Variants in MXI1 observed in about 807,000 individuals in gnomAD.
MXI1 encodes max-interacting protein 1.
A neutral mutation model predicts 36.9 loss-of-function variants in MXI1; 18 were observed. That is an observed-to-expected ratio of 0.49 (90% CI 0.34 to 0.72). The LOEUF (loss-of-function observed/expected upper bound fraction) is 0.72, where lower values mean the gene tolerates loss of function less well. Ranked by LOEUF, MXI1 falls within the 30% of genes least tolerant of loss-of-function variation. The probability of loss-of-function intolerance (pLI) is 0.01; values close to 1 mark genes in which losing one functional copy is unlikely to be tolerated. For synonymous variants in MXI1, 160 were observed against 146.7 expected (o/e 1.09, Z -0.65); for missense variants, 304 against 379.1 (o/e 0.80, Z 1.64).
At chr10:110,274,888 T>TTTTTTG (rs1856975763) in intron 3 of MXI1, among the ~76,000 whole-genome samples, 1 of 149,494 alleles carries the variant, frequency 6.7e-6, no homozygotes, top group Non-Finnish European at 1.5e-5. Context: ...TTTTTTTTTT[T>TTTTTTG]TTTTTTGGTG....
chr10:110,245,528 A>G, intron 3 of MXI1, among the ~76,000 whole-genome samples: 1 of 152,094 alleles, frequency 6.6e-6, no homozygotes, highest in Non-Finnish European at 1.5e-5. Flanking sequence ...TCTGCAGAGG[A>G]TGGTGAGTGA....
At chr10:110,254,180 A>T (rs1856200726) in intron 3 of MXI1, among the ~76,000 whole-genome samples, 1 of 152,024 alleles carries the variant, frequency 6.6e-6, no homozygotes, top group South Asian at 2.1e-4. Context: ...GCATATGTTC[A>T]CTTCATGTTT....
chr10:110,208,744 C>CG lies in MXI1; in HGVS notation c.274+662_274+663insG, dbSNP rs1220198209. ...TTGCCGTGGGGTGCCACCGCCGCCC[C>CG]CCCCCCCCCAAAGAAGGAGGCCGGC... is the stretch of plus-strand genomic sequence containing the variant. On this transcript the variant is annotated intron_variant, in intron 1 of 5. Coordinates refer to ENST00000332674, the MANE Select transcript of MXI1 (RefSeq NM_130439.3). 1.3e-5 allele frequency among the ~76,000 whole-genome samples: 2 copies of CG among 148,304 alleles called. 1 individual carries two copies. The highest frequency in any genetic ancestry group is 5.1e-5 in the African/African-American group (2 of 38,912).
intron 1 of MXI1, among the ~76,000 whole-genome samples, chr10:110,218,785 G>T (rs1034691939): frequency 6.6e-6 from 1 of 152,162 alleles, no homozygotes; most frequent in African/African-American, 2.4e-5. Flanking sequence ...AGGCTTCCTG[G>T]AGGCGCCCGA....
intron 2 of MXI1, among the ~76,000 whole-genome samples, chr10:110,230,377 T>A (rs981153167): frequency 6.6e-6 from 1 of 152,146 alleles, no homozygotes; most frequent in African/African-American, 2.4e-5. Flanking sequence ...TGTCGGAAAA[T>A]TTGTAAAACT....
At chr10:110,266,094 A>G (rs1398863608) in intron 3 of MXI1, among the ~76,000 whole-genome samples, 14 of 150,308 alleles carry the variant, frequency 9.3e-5, no homozygotes, top group African/African-American at 3.2e-4. Flanking sequence ...GCTAAAATAC[A>G]GAGTCTTTTT....
intron 2 of MXI1, among the ~76,000 whole-genome samples, chr10:110,238,730 A>G (rs1358020093): frequency 6.6e-6 from 1 of 152,126 alleles, no homozygotes; most frequent in Non-Finnish European, 1.5e-5. Flanking sequence ...TATTATTTTA[A>G]TCTCTTTAAT....
rs1323739037 is a variant in MXI1, at chr10:110,207,919, C to T, written c.111C>T (p.Ala37=). 4.6e-6 allele frequency: 7 copies of T among 1,538,352 alleles called. No homozygotes were observed. In the South Asian group the frequency reaches 5.9e-5, roughly 13 times the overall value. The change falls in exon 1 of 6, where the codon GCC becomes GCT. Residue 37 remains alanine (A), a synonymous_variant. Coordinates refer to ENST00000332674, the MANE Select transcript of MXI1 (RefSeq NM_130439.3). Reference sequence around the variant, plus strand: ...CCGTGGCCGCGCCCCAGCCCCCGGCCCTGCCCGAGGACCCCGCTGGGGCCA... The same window carrying T: ...CCGTGGCCGCGCCCCAGCCCCCGGCTCTGCCCGAGGACCCCGCTGGGGCCA... ...PPAVAAPQPP[A]LPEDPAGAKP...
At chr10:110,215,844 T>C (rs909253966) in intron 1 of MXI1, among the ~76,000 whole-genome samples, 1 of 151,162 alleles carries the variant, frequency 6.6e-6, no homozygotes, top group African/African-American at 2.4e-5. Flanking sequence ...CTTCTGGAGG[T>C]GGAGCTCTAG....
chr10:110,279,818 T>A, intron 4 of MXI1, 96 bp from the exon 5 acceptor site: 1 of 858,894 alleles, frequency 1.2e-6, no homozygotes, highest in Non-Finnish European at 1.7e-6. Flanking sequence ...CACTCACACA[T>A]GTATATTCAT....
intron 3 of MXI1, among the ~76,000 whole-genome samples, chr10:110,245,453 T>G (rs1855827781): frequency 6.6e-6 from 1 of 152,180 alleles, no homozygotes; most frequent in Non-Finnish European, 1.5e-5. Flanking sequence ...CAGAAGGTAC[T>G]AGAGGGTACT....
rs1277459255 is a variant in MXI1, at chr10:110,210,367, G to A, written c.274+2285G>A. 6 of 858,450 alleles carry A rather than the reference G, an allele frequency of 7.0e-6. No individual in the cohort carries two copies. The Admixed American group carries it at 1.9e-4, about 27-fold the overall frequency. 53.2% of individuals were successfully genotyped at this position (858,450 alleles called of 1,614,324 possible). On this transcript the variant is annotated intron_variant, in intron 1 of 5. Transcript: ENST00000332674. ...AGCCCCCCTCCTCCGGCCGGCTCCC[G>A]GCGGGAGTATTTTTAGCTCTCTTGC...
chr10:110,213,683 T>C (rs965930636), intron 1 of MXI1, among the ~76,000 whole-genome samples: 1 of 152,162 alleles, frequency 6.6e-6, no homozygotes, highest in Non-Finnish European at 1.5e-5. Flanking sequence ...AATTGAGCCA[T>C]TCCTGGTTTG....
At chr10:110,244,490 C>T (rs1273870072) in intron 2 of MXI1, among the ~76,000 whole-genome samples, 1 of 150,450 alleles carries the variant, frequency 6.6e-6, no homozygotes, top group Non-Finnish European at 1.5e-5. Flanking sequence ...TAAATAAAAA[C>T]AGGATTATGT....
In MXI1 at chr10:110,232,700, G is replaced by C. The variant is rs189227065; in HGVS notation, c.407+4379G>C. Among the ~76,000 whole-genome samples the C allele has an allele frequency of 2.0e-4, 30 of 152,300 alleles. 1 individual carries two copies. The East Asian group carries it at 5.4e-3, about 27-fold the overall frequency. ...AAGGTTTTCAAACTCCAAGCAGACT[G>C]TCTTAAATTGAATTTCTTTTTTGTG... On this transcript the variant is annotated intron_variant, in intron 2 of 5. Transcript: ENST00000332674.
chr10:110,222,740 C>T, intron 1 of MXI1, among the ~76,000 whole-genome samples: 1 of 152,220 alleles, frequency 6.6e-6, no homozygotes, highest in Non-Finnish European at 1.5e-5. Context: ...ATTTGTAGTG[C>T]AAACTAGTTC....
intron 5 of MXI1, 115 bp downstream of exon 5, chr10:110,280,200 G>T: frequency 1.2e-6 from 1 of 868,670 alleles, no homozygotes; most frequent in Non-Finnish European, 1.6e-6. Context: ...GAGTAACATT[G>T]TAGGTTTTAT....
intron 3 of MXI1, among the ~76,000 whole-genome samples, chr10:110,272,498 C>G (rs1856886396): frequency 6.6e-6 from 1 of 151,990 alleles, no homozygotes; most frequent in African/African-American, 2.4e-5. Flanking sequence ...TTCAAATATC[C>G]TCTGGCTCAG....
At chr10:110,210,235 G>A in intron 1 of MXI1, 1 of 984,818 alleles carries the variant, frequency 1.0e-6, no homozygotes. Context: ...CCAGCCCATC[G>A]CCCGAGGCGT....
Sources: gnomAD v4.1 joint callset for allele counts (sites outside exome capture counted in the v4.1 genomes callset) on GRCh38, gnomAD v4.1.1 for gene constraint, MANE v1.5 for transcripts, NCBI Gene and HGNC (gene_info 2026-07-23, HGNC 2026-07-21) for gene names.